The following SH3PXD2A variants were observed in gnomAD, a reference collection of about 807,000 sequenced individuals.
The protein encoded by SH3PXD2A is SH3 and PX domain-containing protein 2A.
Under a neutral mutation model 115.2 loss-of-function variants are expected in SH3PXD2A, and 32 were observed. The observed-to-expected ratio is 0.28, with a 90% CI of 0.21 to 0.37. The LOEUF is 0.37. Ranked by LOEUF, SH3PXD2A falls within the 10% of genes least tolerant of loss-of-function variation. The probability of loss-of-function intolerance (pLI) is 1.00; values close to 1 mark genes in which losing one functional copy is unlikely to be tolerated. For missense variants in SH3PXD2A, 1,328 were observed against 1,498.7 expected (o/e 0.89, Z 1.88); for synonymous variants, 610 against 629.1 (o/e 0.97, Z 0.45).
chr10:103,631,583 C>G (rs2036780554), intron 8 of SH3PXD2A, among the ~76,000 whole-genome samples: 1 of 152,180 alleles, frequency 6.6e-6, no homozygotes, highest in Non-Finnish European at 1.5e-5. Flanking sequence ...GAAGGTCCCC[C>G]ATCGTGAGCC....
intron 1 of SH3PXD2A, among the ~76,000 whole-genome samples, chr10:103,816,481 G>A (rs1251945603): frequency 6.6e-6 from 1 of 152,148 alleles, no homozygotes; most frequent in Non-Finnish European, 1.5e-5. Flanking sequence ...CACTGGGATG[G>A]CTATAATCAA....
intron 1 of SH3PXD2A, among the ~76,000 whole-genome samples, chr10:103,805,377 C>T (rs1312149127): frequency 1.3e-5 from 2 of 152,228 alleles, no homozygotes; most frequent in Non-Finnish European, 2.9e-5. Flanking sequence ...CCAGCCCAGC[C>T]GCTCAGGCCT....
intron 3 of SH3PXD2A, among the ~76,000 whole-genome samples, chr10:103,741,500 C>T (rs1470453700): frequency 6.6e-6 from 1 of 152,168 alleles, no homozygotes; most frequent in Non-Finnish European, 1.5e-5. Context: ...CTCAGGACCC[C>T]CTCTCATCTT....
chr10:103,777,474 G>C, intron 2 of SH3PXD2A, among the ~76,000 whole-genome samples: 1 of 152,268 alleles, frequency 6.6e-6, no homozygotes, highest in East Asian at 1.9e-4. Context: ...GGCTTTCCCA[G>C]CAGCTCATTC....
rs57711259 is a variant in SH3PXD2A at position 103,615,483 on chromosome 10, G to GGTGTGTGTGTGTGTGTGTGTGT, written c.920+1692_920+1713dup. On this transcript the variant is annotated intron_variant, in intron 11 of 14. Coordinates refer to ENST00000369774, the MANE Select transcript of SH3PXD2A (RefSeq NM_001394015.1). ...GAAAGGGCGCGATGGAGAGTGCGAGGGTGTGTGTGTGTGTGTGTGTGTGTG... is the reference window on the plus strand; with the variant it reads ...GAAAGGGCGCGATGGAGAGTGCGAGGGTGTGTGTGTGTGTGTGTGTGTGTGTGTGTGTGTGTGTGTGTGTGTG... 2.2e-3 allele frequency among the ~76,000 whole-genome samples: 286 copies of GGTGTGTGTGTGTGTGTGTGTGT among 128,564 alleles called. 8 individuals carry two copies. Among genetic ancestry groups the GGTGTGTGTGTGTGTGTGTGTGT allele is most frequent in the South Asian group, 5.2e-3 (17 of 3,280 alleles). 84.3% of individuals were successfully genotyped at this position (128,564 alleles called of 152,430 possible).
intron 2 of SH3PXD2A, among the ~76,000 whole-genome samples, chr10:103,768,606 G>A (rs1209094563): frequency 6.6e-6 from 1 of 152,156 alleles, no homozygotes; most frequent in East Asian, 1.9e-4. Context: ...AGAGACAGAC[G>A]ATCTGCTTCA....
intron 1 of SH3PXD2A, among the ~76,000 whole-genome samples, chr10:103,833,947 C>T (rs1441505290): frequency 6.6e-6 from 1 of 152,160 alleles, no homozygotes; most frequent in Non-Finnish European, 1.5e-5. Flanking sequence ...TGTCTCTCCC[C>T]TCCCCCTCCC....
At chr10:103,660,030 G>A (rs1461765043) in intron 8 of SH3PXD2A, among the ~76,000 whole-genome samples, 2 of 152,278 alleles carry the variant, frequency 1.3e-5, no homozygotes, top group South Asian at 2.1e-4. Context: ...ACACTGGCAA[G>A]GCATAGAGTG....
intron 1 of SH3PXD2A, among the ~76,000 whole-genome samples, chr10:103,848,365 G>T (rs1842867663): frequency 6.6e-6 from 1 of 152,150 alleles, no homozygotes; most frequent in Non-Finnish European, 1.5e-5. Flanking sequence ...GCTAGAAAAA[G>T]GTTCCAGTCC....
intron 5 of SH3PXD2A, among the ~76,000 whole-genome samples, chr10:103,697,416 A>G (rs946292679): frequency 6.6e-6 from 1 of 152,206 alleles, no homozygotes; most frequent in Non-Finnish European, 1.5e-5. Flanking sequence ...CCCTGAAACA[A>G]AAGGAGCTTC....
chr10:103,739,450 G>GGGGAGAGAGGGA (rs370431164), intron 3 of SH3PXD2A, among the ~76,000 whole-genome samples: 1 of 152,144 alleles, frequency 6.6e-6, no homozygotes, highest in African/African-American at 2.4e-5. Flanking sequence ...TTGGCCAGTG[G>GGGGAGAGAGGGA]GGGAGAGAGG....
intron 3 of SH3PXD2A, among the ~76,000 whole-genome samples, chr10:103,740,171 T>G (rs945446794): frequency 6.6e-6 from 1 of 152,168 alleles, no homozygotes; most frequent in Non-Finnish European, 1.5e-5. Context: ...CGCAACAACC[T>G]TGAAGCAAGT....
At position 103,631,122 on chromosome 10, in the gene SH3PXD2A, G is replaced by A. The variant is rs761960113; in HGVS notation, c.605-3920C>T. ...TCTACCAAAAATTTTAAAATTAGCC[G>A]TGTGTAGTAGCACACACCTGTAGTC... On this transcript the variant is annotated intron_variant, in intron 8 of 14. Coordinates refer to ENST00000369774, the MANE Select transcript of SH3PXD2A (RefSeq NM_001394015.1). Among the ~76,000 whole-genome samples, 8 of 152,156 alleles carry A rather than the reference G, an allele frequency of 5.3e-5. No individual in the cohort carries two copies. The East Asian group carries it at 5.8e-4, about 11-fold the overall frequency.
Position 103,599,615 on chromosome 10 carries a change from TTAAG to T in SH3PXD2A, c.*2197_*2200del, listed in dbSNP as rs1306571851. The T allele has an allele frequency of 2.6e-5, 4 of 152,664 alleles. No homozygotes were observed. The highest frequency in any genetic ancestry group is 5.9e-5 in the Non-Finnish European group (4 of 68,048). The allele number at this position is 152,664 out of a possible 1,614,324, so 9.5% of individuals were successfully genotyped here. A position where few individuals can be genotyped will look rare whatever the true frequency, so the allele number is the denominator to read the frequency against. Reference sequence around the variant, plus strand: ...AATGAGAAAAGTATATACTGCATCTTTAAGTAATGCACTTTGCTCTCTGGGTTTT... The same window carrying T: ...AATGAGAAAAGTATATACTGCATCTTTAATGCACTTTGCTCTCTGGGTTTT... On this transcript the variant is annotated 3_prime_UTR_variant, in exon 15 of 15. Transcript: ENST00000369774.
chr10:103,665,870 C>T lies in SH3PXD2A; in HGVS notation c.472+2738G>A, dbSNP rs765319163. ...GGAGAAGGGGTGTACCTCTTCTAGA[C>T]AGCAGAGCCTCTCCTGGGTTGGAAG... On this transcript the variant is annotated intron_variant, in intron 7 of 14. Transcript: ENST00000369774. The surrounding 1 kb of genome is among the most constrained non-coding windows in gnomAD (Gnocchi z 4.0). Among the ~76,000 whole-genome samples the T allele has an allele frequency of 1.3e-5, 2 of 152,178 alleles. No homozygotes were observed. The highest frequency in any genetic ancestry group is 2.9e-5 in the Non-Finnish European group (2 of 68,006).
At chr10:103,828,980 C>T (rs965275922) in intron 1 of SH3PXD2A, among the ~76,000 whole-genome samples, 3 of 152,150 alleles carry the variant, frequency 2.0e-5, no homozygotes, top group African/African-American at 7.2e-5. Context: ...CGTTGCAGCT[C>T]AAGCTGTCTT....
Position 103,680,010 on chromosome 10 carries a change from C to T in SH3PXD2A, c.428-11358G>A, listed in dbSNP as rs571756302. Reference sequence around the variant, plus strand: ...TTATTTATTTTTTGAGATAGAGTCTCGCTCTGTCACCCAGGCTGGAGTGCA... The same window carrying T: ...TTATTTATTTTTTGAGATAGAGTCTTGCTCTGTCACCCAGGCTGGAGTGCA... On this transcript the variant is annotated intron_variant, in intron 6 of 14. Coordinates refer to ENST00000369774, the MANE Select transcript of SH3PXD2A (RefSeq NM_001394015.1). 5.3e-5 allele frequency among the ~76,000 whole-genome samples: 8 copies of T among 152,196 alleles called. No homozygotes were observed. In the East Asian group the frequency reaches 7.7e-4, roughly 15 times the overall value.
chr10:103,616,072 T>C (rs1469596984), intron 11 of SH3PXD2A, among the ~76,000 whole-genome samples: 1 of 151,872 alleles, frequency 6.6e-6, no homozygotes, highest in Non-Finnish European at 1.5e-5. Flanking sequence ...GTGCGTGCCA[T>C]GGAGCCATGT....
intron 1 of SH3PXD2A, among the ~76,000 whole-genome samples, chr10:103,821,468 C>T (rs1485385564): frequency 6.6e-6 from 1 of 152,100 alleles, no homozygotes; most frequent in Non-Finnish European, 1.5e-5. Flanking sequence ...GGAATTCTAA[C>T]ACCAGTGGCA....
Sources: gnomAD v4.1 joint callset for allele counts (sites outside exome capture counted in the v4.1 genomes callset) on GRCh38, gnomAD v4.1.1 for gene constraint, Gnocchi (gnomAD v3.1) non-coding constraint, MANE v1.5 for transcripts, NCBI Gene and HGNC (gene_info 2026-07-23, HGNC 2026-07-21) for gene names.